The following ST8SIA1 variants were observed in gnomAD, a reference collection of about 807,000 sequenced individuals.
The protein encoded by ST8SIA1 is ST8 alpha-N-acetyl-neuraminide alpha-2,8-sialyltransferase 1.
ST8SIA1 carries 16 observed loss-of-function variants against 35.9 expected under a neutral mutation model. That is an observed-to-expected ratio of 0.45 (90% CI 0.30 to 0.68). The LOEUF is 0.68. Among genes scored for constraint, ST8SIA1 ranks in the 30% least tolerant of loss-of-function variants. ST8SIA1 has a pLI of 0.09. For missense variants in ST8SIA1, 383 were observed against 453.6 expected (o/e 0.84, Z 1.41); for synonymous variants, 170 against 169.6 (o/e 1.00, Z -0.02).
At chr12:22,294,053 G>T (rs1166754274) in intron 1 of ST8SIA1, among the ~76,000 whole-genome samples, 2 of 151,466 alleles carry the variant, frequency 1.3e-5, no homozygotes, top group East Asian at 3.9e-4. Flanking sequence ...TTTTTTAAGG[G>T]TCACTGCTGG....
At chr12:22,241,249 A>C (rs1375363327) in intron 4 of ST8SIA1, among the ~76,000 whole-genome samples, 1 of 152,166 alleles carries the variant, frequency 6.6e-6, no homozygotes, top group Non-Finnish European at 1.5e-5. Flanking sequence ...TCTCATATTG[A>C]ATTGTAATCC....
rs550567855 is a variant in ST8SIA1 at position 22,334,033 on chromosome 12, G to T, written c.200C>A (p.Ala67Glu). The change falls in exon 1 of 5, where the codon GCG becomes GAG. Residue 67 changes from alanine to glutamate, a missense_variant. Coordinates refer to ENST00000396037, the MANE Select transcript of ST8SIA1 (RefSeq NM_003034.4). ...IVQGVLQQGT[A>E]WRRNQTAARA... ...GGCCGCGGTCTGGTTCCTCCTCCAC[G>T]CCGTGCCCTGTTGCAGCACCCCCTG... The T allele has an allele frequency of 1.9e-6, 3 of 1,614,060 alleles. No individual in the cohort carries two copies. Among genetic ancestry groups the T allele is most frequent in the Non-Finnish European group, 2.5e-6 (3 of 1,180,016 alleles).
At chr12:22,260,874 G>GTTTTTTTTTTTTTTTTTTT (rs757887864) in intron 2 of ST8SIA1, among the ~76,000 whole-genome samples, 1 of 114,376 alleles carries the variant, frequency 8.7e-6, no homozygotes, top group Non-Finnish European at 1.8e-5. Flanking sequence ...TATAGTTGTT[G>GTTTTTTTTTTTTTTTTTTT]TTTTTTTTTT....
chr12:22,277,149 G>A (rs930720154), intron 2 of ST8SIA1, among the ~76,000 whole-genome samples: 4 of 152,002 alleles, frequency 2.6e-5, no homozygotes, highest in South Asian at 2.1e-4. Flanking sequence ...ATAATAAAAC[G>A]CAACAGCATA....
At chr12:22,318,725 A>C (rs1866548714) in intron 1 of ST8SIA1, among the ~76,000 whole-genome samples, 2 of 152,224 alleles carry the variant, frequency 1.3e-5, no homozygotes, top group African/African-American at 4.8e-5. Flanking sequence ...TCAAAATAGA[A>C]TAAAGTGTTA....
In ST8SIA1 at chr12:22,334,002, C is replaced by G. The variant is rs769738755; in HGVS notation, c.231G>C (p.Ala77=). Residue 77 remains alanine (A), a synonymous_variant, in exon 1 of 5, where the codon GCG becomes GCC. Transcript: ENST00000396037. ...AGCCGCGAGGGCAGGAGTACCTGAA[C>G]GCTCTGGCCGCGGTCTGGTTCCTCC... ...AWRRNQTAAR[A]FRKQMEDCCD... 1.9e-6 allele frequency: 3 copies of G among 1,613,780 alleles called. No individual in the cohort carries two copies. The highest frequency in any genetic ancestry group is 2.2e-5 in the East Asian group (1 of 44,844).
chr12:22,269,114 T>A (rs143709904), intron 2 of ST8SIA1, among the ~76,000 whole-genome samples: 1 of 151,892 alleles, frequency 6.6e-6, no homozygotes, highest in African/African-American at 2.4e-5. Flanking sequence ...ATTCCAAGAG[T>A]AGGCAGTTAG....
At chr12:22,251,262 C>T (rs1456661830) in intron 3 of ST8SIA1, among the ~76,000 whole-genome samples, 1 of 152,148 alleles carries the variant, frequency 6.6e-6, no homozygotes, top group Admixed American at 6.5e-5. Flanking sequence ...CATGTTTTGT[C>T]ATTATTAAAC....
chr12:22,246,405 G>A (rs1484416586), intron 4 of ST8SIA1, among the ~76,000 whole-genome samples: 1 of 152,192 alleles, frequency 6.6e-6, no homozygotes, highest in South Asian at 2.1e-4. Context: ...AGATCAGAGG[G>A]TGTGATGGTG....
At chr12:22,222,101 AAAG>A in intron 4 of ST8SIA1, among the ~76,000 whole-genome samples, 1 of 152,342 alleles carries the variant, frequency 6.6e-6, no homozygotes, top group East Asian at 1.9e-4. Context: ...TTTCAAAAAA[AAAG>A]TTTATTAACA....
At chr12:22,332,845 G>C (rs1036696912) in intron 1 of ST8SIA1, among the ~76,000 whole-genome samples, 1 of 151,794 alleles carries the variant, frequency 6.6e-6, no homozygotes, top group African/African-American at 2.4e-5. Flanking sequence ...GTTTACATTA[G>C]AACTCACCTG....
At chr12:22,208,014 G>GTGCC (rs1865132761) in intron 4 of ST8SIA1, among the ~76,000 whole-genome samples, 2 of 151,596 alleles carry the variant, frequency 1.3e-5, no homozygotes, top group Admixed American at 1.3e-4. Context: ...GTGGTGGCAG[G>GTGCC]TGCCTGTAAT....
At chr12:22,303,734 T>C (rs1324622594) in intron 1 of ST8SIA1, among the ~76,000 whole-genome samples, 1 of 151,986 alleles carries the variant, frequency 6.6e-6, no homozygotes, top group East Asian at 1.9e-4. Flanking sequence ...CTTTTTCCCA[T>C]TGGGTTTGAT....
chr12:22,264,677 A>G (rs1865827611), intron 2 of ST8SIA1, among the ~76,000 whole-genome samples: 1 of 152,140 alleles, frequency 6.6e-6, no homozygotes, highest in African/African-American at 2.4e-5. Context: ...AAACCCTTTA[A>G]AAAACGTTAC....
chr12:22,264,484 T>C (rs1865824801), intron 2 of ST8SIA1, among the ~76,000 whole-genome samples: 1 of 152,186 alleles, frequency 6.6e-6, no homozygotes, highest in Non-Finnish European at 1.5e-5. Flanking sequence ...TTTGGTTCTT[T>C]CCAGTAAGTA....
intron 4 of ST8SIA1, among the ~76,000 whole-genome samples, chr12:22,214,273 TAA>T (rs1358474590): frequency 1.3e-5 from 2 of 152,042 alleles, no homozygotes; most frequent in Non-Finnish European, 2.9e-5. Context: ...ATCAATAAAA[TAA>T]AGACAGAAAG....
At chr12:22,275,994 C>T (rs1297947483) in intron 2 of ST8SIA1, among the ~76,000 whole-genome samples, 2 of 152,236 alleles carry the variant, frequency 1.3e-5, no homozygotes, top group East Asian at 1.9e-4. Context: ...CTGCAGCCTT[C>T]CTATTCCAGT....
At chr12:22,204,294 T>C (rs1367740045) in intron 4 of ST8SIA1, among the ~76,000 whole-genome samples, 2 of 152,326 alleles carry the variant, frequency 1.3e-5, no homozygotes, top group East Asian at 3.9e-4. Flanking sequence ...AAAAATCGTG[T>C]ATATTTAAGG....
At chr12:22,262,294 G>A (rs1018435227) in intron 2 of ST8SIA1, among the ~76,000 whole-genome samples, 6 of 152,180 alleles carry the variant, frequency 3.9e-5, no homozygotes, top group Admixed American at 1.3e-4. Context: ...AAATAGTACT[G>A]GAGCATCTCA....
Sources: allele counts gnomAD v4.1 joint callset (sites outside exome capture counted in the v4.1 genomes callset), GRCh38; gene constraint gnomAD v4.1.1; transcripts MANE v1.5; gene names NCBI Gene and HGNC (gene_info 2026-07-23, HGNC 2026-07-21).